Variants in EXD3 observed in about 807,000 individuals in gnomAD.
EXD3 encodes the protein exonuclease 3'-5' domain containing 3.
In EXD3, 92 loss-of-function variants were observed where a neutral mutation model predicts 98.0. The observed-to-expected ratio is 0.94, with a 90% CI of 0.79 to 1.12. EXD3 has a LOEUF of 1.12. Ranked by LOEUF, EXD3 falls within the 50% of genes most tolerant of loss-of-function variation. The pLI is 0.00. For synonymous variants in EXD3, 569 were observed against 526.0 expected (o/e 1.08, Z -1.12); for missense variants, 1,222 against 1,191.6 (o/e 1.03, Z -0.38).
chr9:137,372,453 G>A (rs745698655), intron 5 of EXD3, among the ~76,000 whole-genome samples: 7 of 152,338 alleles, frequency 4.6e-5, no homozygotes, highest in East Asian at 3.9e-4. Context: ...GCTCACTGCC[G>A]TGCCGGGGAC....
chr9:137,348,294 TCA>T, intron 16 of EXD3, 56 bp from the exon 17 acceptor site: 2 of 1,553,314 alleles, frequency 1.3e-6, no homozygotes, highest in Non-Finnish European at 1.7e-6. Flanking sequence ...CCTCACAGCC[TCA>T]GAGAGCCAGG....
chr9:137,419,867 C>T (rs1838416655), intron 1 of EXD3, among the ~76,000 whole-genome samples: 1 of 149,774 alleles, frequency 6.7e-6, no homozygotes, highest in Admixed American at 6.6e-5. Context: ...CAACATCATA[C>T]AGAAAAAAGC....
At chr9:137,318,344 A>G (rs1235569536) in intron 19 of EXD3, among the ~76,000 whole-genome samples, 1 of 151,698 alleles carries the variant, frequency 6.6e-6, no homozygotes, top group Non-Finnish European at 1.5e-5. Context: ...TCCCCCCCAT[A>G]ATGGCCAGCT....
rs368010421 is a variant in EXD3 at position 137,347,098 on chromosome 9, G to A, written c.1998+973C>T. Among the ~76,000 whole-genome samples, 5 of 152,190 alleles carry A rather than the reference G, an allele frequency of 3.3e-5. No homozygotes were observed. In the East Asian group the frequency reaches 5.8e-4, roughly 18 times the overall value. On this transcript the variant is annotated intron_variant, in intron 17 of 21. Transcript: ENST00000340951. The surrounding 1 kb of genome is among the most constrained non-coding windows in gnomAD (Gnocchi z 4.2). ...CAGAGTGCAGGGATTACAGGCGTGA[G>A]CACCCAGCCTCCATGTCATTTTTCT...
chr9:137,307,304 G>A (rs747921932), intron 21 of EXD3, 41 bp from the exon 22 acceptor site: 29 of 1,450,324 alleles, frequency 2.0e-5, no homozygotes, highest in Middle Eastern at 2.5e-4. Flanking sequence ...CTCAGCCTTC[G>A]GGCACGGCCC....
At chr9:137,311,429 G>A (rs182494735) in intron 19 of EXD3, among the ~76,000 whole-genome samples, 1 of 152,350 alleles carries the variant, frequency 6.6e-6, no homozygotes, top group East Asian at 1.9e-4. Flanking sequence ...CAGTGCCAGT[G>A]GGTGTAGGAG....
At chr9:137,309,782 G>T in intron 19 of EXD3, 82 bp from the exon 20 acceptor site, 2 of 1,062,526 alleles carry the variant, frequency 1.9e-6, no homozygotes, top group Admixed American at 4.0e-5. Flanking sequence ...GCTCCTCGAA[G>T]CTCTGGGTCT....
At chr9:137,355,795 C>A (rs1173315167) in intron 8 of EXD3, among the ~76,000 whole-genome samples, 1 of 151,914 alleles carries the variant, frequency 6.6e-6, no homozygotes, top group African/African-American at 2.4e-5. Flanking sequence ...CAGCCTGTAC[C>A]CTCCTGAGAT....
intron 19 of EXD3, among the ~76,000 whole-genome samples, chr9:137,315,403 C>T (rs548845806): frequency 6.6e-6 from 1 of 152,354 alleles, no homozygotes; most frequent in African/African-American, 2.4e-5. Context: ...GGAGAGACCA[C>T]GCGTGTGGGC....
intron 5 of EXD3, among the ~76,000 whole-genome samples, chr9:137,370,530 G>A (rs895399316): frequency 1.3e-5 from 2 of 151,700 alleles, no homozygotes; most frequent in Non-Finnish European, 2.9e-5. Flanking sequence ...AGAGAGAGAC[G>A]AGGCTGTCCA....
At chr9:137,410,182 C>A (rs987574890) in intron 1 of EXD3, among the ~76,000 whole-genome samples, 5 of 151,676 alleles carry the variant, frequency 3.3e-5, no homozygotes, top group African/African-American at 1.2e-4. Context: ...TCTCAAAAAA[C>A]AAAAATAATT....
intron 7 of EXD3, among the ~76,000 whole-genome samples, chr9:137,358,168 G>A (rs1317340255): frequency 6.6e-6 from 1 of 152,176 alleles, no homozygotes; most frequent in Non-Finnish European, 1.5e-5. Context: ...GTTAGCATGC[G>A]TGTGGCTGGC....
chr9:137,383,262 T>G, intron 3 of EXD3, 51 bp downstream of exon 3: 2 of 1,443,482 alleles, frequency 1.4e-6, no homozygotes, highest in Non-Finnish European at 1.9e-6. Flanking sequence ...TGCCCAACAG[T>G]CAGTTCTGCT....
At position 137,347,918 on chromosome 9, in the gene EXD3, C is replaced by T. The variant is rs1588311138; in HGVS notation, c.1998+153G>A. Among the ~76,000 whole-genome samples, 1 of 152,176 alleles carries T rather than the reference C, an allele frequency of 6.6e-6. No individual in the cohort carries two copies. Among genetic ancestry groups the T allele is most frequent in the African/African-American group, 2.4e-5 (1 of 41,436 alleles). ...GCCACTTGGCCCCCAACCGCTCCAT[C>T]CTTGGCCACCCCGTCCTGTTCCCAG... On this transcript the variant is annotated intron_variant, in intron 17 of 21. Coordinates refer to ENST00000340951, the MANE Select transcript of EXD3 (RefSeq NM_017820.5). This position sits in a 1 kb window ranked among gnomAD's most constrained non-coding sequence, Gnocchi z 4.2.
intron 19 of EXD3, among the ~76,000 whole-genome samples, chr9:137,321,732 G>A (rs1013001817): frequency 1.3e-5 from 2 of 152,104 alleles, no homozygotes; most frequent in East Asian, 1.9e-4. Flanking sequence ...GAGCAGCCCC[G>A]ACCTGCTGCT....
chr9:137,315,748 G>A (rs890002365), intron 19 of EXD3, among the ~76,000 whole-genome samples: 15 of 152,138 alleles, frequency 9.9e-5, no homozygotes, highest in African/African-American at 3.6e-4. Context: ...TCAGATCCCC[G>A]GCCTGCCCTG....
chr9:137,362,657 C>T (rs891016632), intron 7 of EXD3, among the ~76,000 whole-genome samples: 15 of 152,044 alleles, frequency 9.9e-5, no homozygotes, highest in South Asian at 4.1e-4. Flanking sequence ...CCACCGTGCA[C>T]GGCCCCTTTG....
chr9:137,369,788 G>C (rs957076266), intron 5 of EXD3, among the ~76,000 whole-genome samples: 16 of 152,188 alleles, frequency 1.1e-4, no homozygotes, highest in Non-Finnish European at 2.4e-4. Context: ...CGCACGCTGC[G>C]ACCCCGTCAG....
intron 3 of EXD3, chr9:137,374,466 G>C (rs1022016587): frequency 1.4e-6 from 1 of 729,450 alleles, no homozygotes; most frequent in Non-Finnish European, 1.7e-6. Context: ...TGCTCTCCAC[G>C]GGGCTCCAGG....
Sources: allele counts gnomAD v4.1 joint callset (sites outside exome capture counted in the v4.1 genomes callset), GRCh38; gene constraint gnomAD v4.1.1; non-coding constraint Gnocchi (gnomAD v3.1); transcripts MANE v1.5; gene names NCBI Gene and HGNC (gene_info 2026-07-23, HGNC 2026-07-21).